PRKAG2: variants seen among roughly 807,000 people sequenced by gnomAD.
PRKAG2 encodes the protein 5'-AMP-activated protein kinase subunit gamma-2.
Under a neutral mutation model 69.6 loss-of-function variants are expected in PRKAG2, and 26 were observed. The ratio of observed to expected loss-of-function variants is 0.37; its 90% CI spans 0.27 to 0.52. The LOEUF (loss-of-function observed/expected upper bound fraction) is 0.52. Among genes scored for constraint, PRKAG2 ranks in the 20% least tolerant of loss-of-function variants. The pLI, the probability that PRKAG2 is intolerant of heterozygous loss-of-function variation, is 0.90. For synonymous variants in PRKAG2, 293 were observed against 285.0 expected (o/e 1.03, Z -0.28); for missense variants, 557 against 740.0 (o/e 0.75, Z 2.87).
intron 3 of PRKAG2, among the ~76,000 whole-genome samples, chr7:151,765,386 C>T (rs921586111): frequency 1.8e-4 from 27 of 152,288 alleles, no homozygotes; most frequent in African/African-American, 4.6e-4. Context: ...TCTGCCCCTA[C>T]GATTCAATCA....
intron 3 of PRKAG2, among the ~76,000 whole-genome samples, chr7:151,697,451 C>T (rs1015168122): frequency 8.5e-5 from 13 of 152,150 alleles, no homozygotes; most frequent in African/African-American, 3.1e-4. Context: ...GCAGGAGGAG[C>T]TTGAACTCTG....
rs1482827625 is a variant in PRKAG2 at position 151,719,584 on chromosome 7, T to G, written c.467-43947A>C. Among the ~76,000 whole-genome samples, 1 of 152,024 alleles carries G rather than the reference T, an allele frequency of 6.6e-6. No individual in the cohort carries two copies. The highest frequency in any genetic ancestry group is 1.5e-5 in the Non-Finnish European group (1 of 68,022). On this transcript the variant is annotated intron_variant, in intron 3 of 15. Coordinates refer to ENST00000287878, the MANE Select transcript of PRKAG2 (RefSeq NM_016203.4). This position sits in a 1 kb window ranked among gnomAD's most constrained non-coding sequence, Gnocchi z 5.2. ...GCCCCCTGTCTTCTGCCTCCTACCCTCATCCTTCCCGGGCAGTTCCCCCAG... is the reference window on the plus strand; with the variant it reads ...GCCCCCTGTCTTCTGCCTCCTACCCGCATCCTTCCCGGGCAGTTCCCCCAG...
At chr7:151,770,851 C>T (rs2075988704) in intron 3 of PRKAG2, among the ~76,000 whole-genome samples, 1 of 152,192 alleles carries the variant, frequency 6.6e-6, no homozygotes, top group African/African-American at 2.4e-5. Context: ...GAACAAACCA[C>T]CATGCCCCAC....
chr7:151,809,133 C>A (rs1341764365), intron 1 of PRKAG2: 5 of 420,310 alleles, frequency 1.2e-5, no homozygotes, highest in Non-Finnish European at 2.4e-5. Flanking sequence ...TGGCTCCCAG[C>A]CAGGTTTGGC....
chr7:151,712,265 C>T (rs755296729), intron 3 of PRKAG2, among the ~76,000 whole-genome samples: 11 of 152,338 alleles, frequency 7.2e-5, no homozygotes, highest in Admixed American at 2.6e-4. Flanking sequence ...CTCACTCACC[C>T]GGGAAGGACG....
At chr7:151,817,667 C>T (rs1210474986) in intron 1 of PRKAG2, among the ~76,000 whole-genome samples, 1 of 152,224 alleles carries the variant, frequency 6.6e-6, no homozygotes, top group Non-Finnish European at 1.5e-5. Flanking sequence ...GGGCCCTCTC[C>T]TGGAACTCAT....
chr7:151,840,792 C>T (rs1158489961), intron 1 of PRKAG2, among the ~76,000 whole-genome samples: 2 of 152,238 alleles, frequency 1.3e-5, no homozygotes, highest in Non-Finnish European at 2.9e-5. Flanking sequence ...AGGAGCTGCC[C>T]ACCCGAGTCT....
At chr7:151,731,894 G>A (rs1262032236) in intron 3 of PRKAG2, among the ~76,000 whole-genome samples, 1 of 152,158 alleles carries the variant, frequency 6.6e-6, no homozygotes, top group Non-Finnish European at 1.5e-5. Context: ...CTGGAGTGCA[G>A]TGGTATAATC....
At chr7:151,751,400 AGCCACCAC>A (rs2074675805) in intron 3 of PRKAG2, among the ~76,000 whole-genome samples, 1 of 151,698 alleles carries the variant, frequency 6.6e-6, no homozygotes, top group Admixed American at 6.6e-5. Context: ...AGGTTTAGTA[AGCCACCAC>A]GCCCGGCCCA....
At chr7:151,725,862 C>T (rs1478230431) in intron 3 of PRKAG2, among the ~76,000 whole-genome samples, 2 of 152,108 alleles carry the variant, frequency 1.3e-5, no homozygotes, top group Non-Finnish European at 2.9e-5. Flanking sequence ...ACCTCGAAAT[C>T]CCGGTGGCTG....
rs1810858731 is a variant in PRKAG2, at chr7:151,583,077, G to C, written c.865-6625C>G. On this transcript the variant is annotated intron_variant, in intron 6 of 15. Transcript: ENST00000287878. The surrounding 1 kb of genome is among the most constrained non-coding windows in gnomAD (Gnocchi z 4.1). The stretch of plus-strand genomic sequence containing the variant: ...ACTCTGTTGCCCAGGCTCAAGTATA[G>C]TGGTATGATCACGGCTCACTGCAGC... Among the ~76,000 whole-genome samples the C allele has an allele frequency of 6.6e-6, 1 of 152,210 alleles. No homozygotes were observed. Among genetic ancestry groups the C allele is most frequent in the South Asian group, 2.1e-4 (1 of 4,834 alleles).
At chr7:151,728,400 T>TC (rs1287463247) in intron 3 of PRKAG2, among the ~76,000 whole-genome samples, 1 of 152,104 alleles carries the variant, frequency 6.6e-6, no homozygotes, top group Non-Finnish European at 1.5e-5. Context: ...GTGCCAAGGC[T>TC]CCCTGGACCC....
intron 3 of PRKAG2, among the ~76,000 whole-genome samples, chr7:151,701,125 G>A (rs187984347): frequency 2.3e-3 from 350 of 152,282 alleles, no homozygotes; most frequent in Non-Finnish European, 4.0e-3. Context: ...CCCCAGGGAA[G>A]CCCCACTGGA....
chr7:151,816,736 G>A (rs1217385724), intron 1 of PRKAG2, among the ~76,000 whole-genome samples: 1 of 152,206 alleles, frequency 6.6e-6, no homozygotes, highest in African/African-American at 2.4e-5. Context: ...CAGAGATCCG[G>A]CCAATCTCAA....
intron 1 of PRKAG2, among the ~76,000 whole-genome samples, chr7:151,840,920 G>C (rs1345146327): frequency 6.6e-6 from 1 of 152,208 alleles, no homozygotes; most frequent in Non-Finnish European, 1.5e-5. Context: ...GATCACTGGA[G>C]CCCAGGTGTT....
intron 1 of PRKAG2, among the ~76,000 whole-genome samples, chr7:151,792,810 G>A (rs1373020342): frequency 2.6e-5 from 4 of 152,200 alleles, no homozygotes; most frequent in Admixed American, 1.3e-4. Context: ...CCTGCTGAGC[G>A]GACCCCAGCA....
At chr7:151,566,225 G>T (rs1378605351) in intron 11 of PRKAG2, among the ~76,000 whole-genome samples, 1 of 152,192 alleles carries the variant, frequency 6.6e-6, no homozygotes, top group Non-Finnish European at 1.5e-5. Context: ...ACGAAGAATT[G>T]AATCCTTTAT....
chr7:151,814,757 G>A lies in PRKAG2; in HGVS notation c.115-28216C>T. 1 of 1,231,800 alleles carries A rather than the reference G, an allele frequency of 8.1e-7. No individual in the cohort carries two copies. Among genetic ancestry groups the A allele is most frequent in the Non-Finnish European group, 1.0e-6 (1 of 987,996 alleles). 76.3% of individuals were successfully genotyped at this position (1,231,800 alleles called of 1,614,324 possible). Reference sequence around the variant, plus strand: ...GACAGCGCAGGCAACGGTCTTGGTGGCTGGAGCTGCTTTGCTGCTCAAAAT... The same window carrying A: ...GACAGCGCAGGCAACGGTCTTGGTGACTGGAGCTGCTTTGCTGCTCAAAAT... On this transcript the variant is annotated intron_variant, in intron 1 of 15. Transcript: ENST00000287878. The surrounding 1 kb of genome is among the most constrained non-coding windows in gnomAD (Gnocchi z 4.8).
intron 3 of PRKAG2, among the ~76,000 whole-genome samples, chr7:151,698,423 C>T (rs952373918): frequency 3.9e-5 from 6 of 152,110 alleles, no homozygotes; most frequent in Non-Finnish European, 8.8e-5. Context: ...GAAATGCGAC[C>T]CCCGAGTTGA....
Sources: allele counts gnomAD v4.1 joint callset (sites outside exome capture counted in the v4.1 genomes callset), GRCh38; gene constraint gnomAD v4.1.1; non-coding constraint Gnocchi (gnomAD v3.1); transcripts MANE v1.5; gene names NCBI Gene and HGNC (gene_info 2026-07-23, HGNC 2026-07-21).